TECPR2: variants seen among roughly 807,000 people sequenced by gnomAD.
TECPR2 encodes the protein tectonin beta-propeller repeat-containing protein 2.
TECPR2 carries 65 observed loss-of-function variants against 138.1 expected under a neutral mutation model. That is an observed-to-expected ratio of 0.47 (90% CI 0.39 to 0.58). TECPR2 has a LOEUF of 0.58. Among genes scored for constraint, TECPR2 ranks in the 20% least tolerant of loss-of-function variants. TECPR2 has a pLI of 0.00. For missense variants in TECPR2, 1,553 were observed against 1,824.5 expected (o/e 0.85, Z 2.71); for synonymous variants, 746 against 749.8 (o/e 0.99, Z 0.08).
At position 102,451,521 on chromosome 14, in the gene TECPR2, G is replaced by A. The variant is rs535704531; in HGVS notation, c.3406+872G>A. Among the ~76,000 whole-genome samples the A allele has an allele frequency of 5.3e-5, 8 of 152,200 alleles. No homozygotes were observed. The East Asian group carries it at 1.2e-3, about 22-fold the overall frequency. ...ATTAATTTGGCAGCAAAACCTGACC[G>A]GATCTCACATAGCTGCCTCCAGCCT... On this transcript the variant is annotated intron_variant, in intron 15 of 19. Coordinates refer to ENST00000359520, the MANE Select transcript of TECPR2 (RefSeq NM_014844.5).
intron 2 of TECPR2, among the ~76,000 whole-genome samples, chr14:102,402,655 A>C (rs1321052882): frequency 6.6e-6 from 1 of 152,130 alleles, no homozygotes; most frequent in East Asian, 1.9e-4. Context: ...AGCCAGATGG[A>C]TCAAGAAGAA....
intron 16 of TECPR2, among the ~76,000 whole-genome samples, chr14:102,463,927 A>G (rs1890481759): frequency 6.6e-6 from 1 of 152,180 alleles, no homozygotes; most frequent in African/African-American, 2.4e-5. Flanking sequence ...CCATCTCAAA[A>G]ACAAACAGAA....
chr14:102,450,531 A>C, intron 14 of TECPR2, 29 bp from the exon 15 acceptor site: 1 of 1,610,168 alleles, frequency 6.2e-7, no homozygotes, highest in African/African-American at 1.3e-5. Flanking sequence ...TTCTTTCTTT[A>C]ACACATTCTT....
At chr14:102,440,727 G>C in intron 11 of TECPR2, 118 bp downstream of exon 11, 1 of 1,244,958 alleles carries the variant, frequency 8.0e-7, no homozygotes, top group Non-Finnish European at 1.1e-6. Flanking sequence ...AAATCCATTC[G>C]AATTAAGACA....
intron 16 of TECPR2, among the ~76,000 whole-genome samples, chr14:102,453,385 C>T (rs1890196524): frequency 6.6e-6 from 1 of 151,500 alleles, no homozygotes; most frequent in South Asian, 2.1e-4. Context: ...GAGGCTGAGG[C>T]AGGAGAATTG....
At chr14:102,396,474 G>T (rs995469003) in intron 2 of TECPR2, among the ~76,000 whole-genome samples, 14 of 152,236 alleles carry the variant, frequency 9.2e-5, no homozygotes, top group East Asian at 1.9e-4. Context: ...ATGAGGTGGG[G>T]TTTTTTTGTT....
intron 5 of TECPR2, among the ~76,000 whole-genome samples, chr14:102,416,800 A>G (rs1889037036): frequency 1.3e-5 from 2 of 152,176 alleles, no homozygotes; most frequent in African/African-American, 4.8e-5. Context: ...CCTGGCCAAC[A>G]TGGTGAAACC....
chr14:102,430,993 C>T (rs181910523), intron 7 of TECPR2, among the ~76,000 whole-genome samples: 8 of 149,922 alleles, frequency 5.3e-5, no homozygotes, highest in East Asian at 3.9e-4. Context: ...TAAATTGAAG[C>T]GAGAAATGCT....
intron 17 of TECPR2, among the ~76,000 whole-genome samples, chr14:102,489,258 C>T (rs375116705): frequency 3.9e-5 from 6 of 152,310 alleles, no homozygotes; most frequent in African/African-American, 1.2e-4. Flanking sequence ...TCCCTCCTCT[C>T]TCCCAGCCTG....
chr14:102,449,939 A>G (rs1890098085), intron 14 of TECPR2, 70 bp downstream of exon 14: 1 of 1,579,004 alleles, frequency 6.3e-7, no homozygotes, highest in African/African-American at 1.4e-5. Context: ...CATTTAAAGA[A>G]AAGCTTTAAG....
chr14:102,396,104 CTTT>C (rs5811067), intron 2 of TECPR2, among the ~76,000 whole-genome samples: 14 of 136,330 alleles, frequency 1.0e-4, no homozygotes, highest in Admixed American at 1.5e-4. Flanking sequence ...CTTTAGTACT[CTTT>C]TTTTTTTTTT....
intron 4 of TECPR2, among the ~76,000 whole-genome samples, chr14:102,412,616 T>C (rs1234828696): frequency 6.6e-6 from 1 of 152,062 alleles, no homozygotes; most frequent in Non-Finnish European, 1.5e-5. Flanking sequence ...GACAGGCTTT[T>C]TTTTTTTTTT....
chr14:102,428,964 C>T (rs1385194110), intron 7 of TECPR2, among the ~76,000 whole-genome samples: 1 of 151,884 alleles, frequency 6.6e-6, no homozygotes, highest in Non-Finnish European at 1.5e-5. Context: ...TCTCCTGCCT[C>T]AGCCTCCTGA....
rs1161357678 is a variant in TECPR2 at position 102,362,967 on chromosome 14, C to T, written c.-222C>T. On this transcript the variant is annotated 5_prime_UTR_variant, in exon 1 of 20. Coordinates refer to ENST00000359520, the MANE Select transcript of TECPR2 (RefSeq NM_014844.5). Reference sequence around the variant, plus strand: ...CTTGTGGCTCTGCCGCTCTAGCCCCCGGCGGAGCCAGCTGCTGCTCTTCGG... The same window carrying T: ...CTTGTGGCTCTGCCGCTCTAGCCCCTGGCGGAGCCAGCTGCTGCTCTTCGG... 8 of 1,392,320 alleles carry T rather than the reference C, an allele frequency of 5.7e-6. No individual in the cohort carries two copies. The highest frequency in any genetic ancestry group is 4.3e-5 in the African/African-American group (3 of 70,290). 86.2% of individuals were successfully genotyped at this position (1,392,320 alleles called of 1,614,324 possible). A position where few individuals can be genotyped will look rare whatever the true frequency, so the allele number is the denominator to read the frequency against.
intron 10 of TECPR2, among the ~76,000 whole-genome samples, chr14:102,439,911 A>C (rs1163735023): frequency 6.6e-6 from 1 of 152,186 alleles, no homozygotes; most frequent in East Asian, 1.9e-4. Context: ...TCACAGTGAA[A>C]ACAGGCCAAC....
In TECPR2 at chr14:102,498,495, G is replaced by T; in HGVS notation, c.*238G>T. ...GCGCCTCCTAGCTCAGGACAGTGGC[G>T]ACTGCCCGGCTGCATGCACTCCGAT... On this transcript the variant is annotated 3_prime_UTR_variant, in exon 20 of 20. Transcript: ENST00000359520. The T allele has an allele frequency of 1.7e-6, 1 of 585,402 alleles. No individual in the cohort carries two copies. Among genetic ancestry groups the T allele is most frequent in the South Asian group, 2.0e-5 (1 of 49,080 alleles). 36.3% of individuals were successfully genotyped at this position (585,402 alleles called of 1,614,324 possible).
intron 2 of TECPR2, among the ~76,000 whole-genome samples, chr14:102,390,220 G>C (rs1196570134): frequency 6.6e-6 from 1 of 152,214 alleles, no homozygotes; most frequent in Non-Finnish European, 1.5e-5. Flanking sequence ...CTGCCAAGGA[G>C]GCTAAGAAGG....
Position 102,443,018 on chromosome 14 carries a change from G to C in TECPR2, c.2753-629G>C, listed in dbSNP as rs755178056. 1.3e-5 allele frequency among the ~76,000 whole-genome samples: 2 copies of C among 152,240 alleles called. No homozygotes were observed. The highest frequency in any genetic ancestry group is 2.9e-5 in the Non-Finnish European group (2 of 68,038). The stretch of plus-strand genomic sequence containing the variant: ...CTCAGATTTCATCTGGGAAATTCGG[G>C]GTTTCATTTTATTAGTGGAACCTCG... On this transcript the variant is annotated intron_variant, in intron 11 of 19. Transcript: ENST00000359520. This position sits in a 1 kb window ranked among gnomAD's most constrained non-coding sequence, Gnocchi z 4.9.
chr14:102,450,699 T>C, intron 15 of TECPR2, 50 bp downstream of exon 15: 2 of 1,589,390 alleles, frequency 1.3e-6, no homozygotes, highest in Non-Finnish European at 1.7e-6. Flanking sequence ...GCTTGGCCAT[T>C]GGAAAGGTTC....
Sources: allele counts gnomAD v4.1 joint callset (sites outside exome capture counted in the v4.1 genomes callset), GRCh38; gene constraint gnomAD v4.1.1; non-coding constraint Gnocchi (gnomAD v3.1); transcripts MANE v1.5; gene names NCBI Gene and HGNC (gene_info 2026-07-23, HGNC 2026-07-21).